PCNX2: variants seen among roughly 807,000 people sequenced by gnomAD.
PCNX2 encodes pecanex-like protein 2.
In PCNX2, 168 loss-of-function variants were observed where a neutral mutation model predicts 223.8. The observed-to-expected ratio is 0.75, with a 90% confidence interval of 0.66 to 0.85. The LOEUF (loss-of-function observed/expected upper bound fraction) is 0.85, where lower values mean the gene tolerates loss of function less well. Ranked by LOEUF, PCNX2 falls within the 40% of genes least tolerant of loss-of-function variation. The pLI is 0.00. For synonymous variants in PCNX2, 1,006 were observed against 1,052.6 expected (o/e 0.96, Z 0.86); for missense variants, 2,507 against 2,675.5 (o/e 0.94, Z 1.39).
intron 19 of PCNX2, among the ~76,000 whole-genome samples, chr1:233,142,293 C>A (rs957492797): frequency 6.6e-6 from 1 of 152,136 alleles, no homozygotes; most frequent in Non-Finnish European, 1.5e-5. Context: ...ATCTTCAAGA[C>A]CACTCCTGCA....
At chr1:233,272,637 T>C (rs1660700286) in intron 1 of PCNX2, among the ~76,000 whole-genome samples, 1 of 152,346 alleles carries the variant, frequency 6.6e-6, no homozygotes, top group East Asian at 1.9e-4. Flanking sequence ...GCAGTCCCAC[T>C]ACTGGGTATC....
intron 17 of PCNX2, among the ~76,000 whole-genome samples, chr1:233,171,094 A>G (rs1679126456): frequency 6.6e-6 from 1 of 152,170 alleles, no homozygotes. Context: ...ACCTCTGACG[A>G]CTTGAAGTTC....
chr1:233,102,550 G>A (rs1674544218), intron 21 of PCNX2, among the ~76,000 whole-genome samples: 1 of 152,082 alleles, frequency 6.6e-6, no homozygotes, highest in Admixed American at 6.6e-5. Flanking sequence ...TCTGATAACA[G>A]CCATTTTAAC....
In PCNX2 at chr1:233,000,560, G is replaced by A. The variant is rs1448087045; in HGVS notation, c.5098-25C>T. On this transcript the variant is annotated intron_variant, in intron 29 of 33. Transcript: ENST00000258229. The surrounding 1 kb of genome is among the most constrained non-coding windows in gnomAD (Gnocchi z 4.6). ...CCTGGTGGGAAGAAGTGTGGGTGTGGGCTGGGCAAGGACCAGAGGAACTCA... is the reference window on the plus strand; with the variant it reads ...CCTGGTGGGAAGAAGTGTGGGTGTGAGCTGGGCAAGGACCAGAGGAACTCA... 1.3e-6 allele frequency: 2 copies of A among 1,547,350 alleles called. No individual in the cohort carries two copies. Among genetic ancestry groups the A allele is most frequent in the Non-Finnish European group, 8.7e-7 (1 of 1,150,368 alleles).
intron 23 of PCNX2, among the ~76,000 whole-genome samples, chr1:233,080,441 T>G (rs1191028094): frequency 4.0e-5 from 6 of 151,642 alleles, no homozygotes; most frequent in African/African-American, 1.5e-4. Context: ...TGCACGCATC[T>G]TGTCTTAGTC....
rs1331786789 is a variant in PCNX2 at position 233,252,466 on chromosome 1, G to C, written c.2016C>G (p.Tyr672Ter). 1.2e-6 allele frequency: 2 copies of C among 1,613,068 alleles called. No homozygotes were observed. Among genetic ancestry groups the C allele is most frequent in the South Asian group, 2.2e-5 (2 of 90,960 alleles). The change falls in exon 7 of 34, where the codon TAC (tyrosine) becomes TAG (stop). Residue 672 changes from tyrosine (Y) to a stop codon, truncating the protein, a stop_gained. Transcript: ENST00000258229. LOFTEE classifies it high-confidence loss of function. ...AACTATCTTGTTGGGAAGTTACCCT[G>C]TAGATTATCTGTCTTTGTCTATTGC... ...FQGNRQRQII[Y>*]RVTSQQDSSV...
intron 21 of PCNX2, among the ~76,000 whole-genome samples, chr1:233,117,435 T>C (rs1378146827): frequency 1.3e-5 from 2 of 150,322 alleles, no homozygotes; most frequent in Admixed American, 1.3e-4. Flanking sequence ...ATCTAGACCA[T>C]CCTGGCTAAC....
intron 21 of PCNX2, among the ~76,000 whole-genome samples, chr1:233,119,302 G>GT (rs1004991757): frequency 2.7e-5 from 4 of 146,804 alleles, no homozygotes; most frequent in Non-Finnish European, 6.0e-5. Flanking sequence ...GCTCATGCCT[G>GT]TAATCACAGC....
At chr1:233,107,094 C>T (rs1674837397) in intron 21 of PCNX2, among the ~76,000 whole-genome samples, 2 of 152,068 alleles carry the variant, frequency 1.3e-5, no homozygotes, top group African/African-American at 4.8e-5. Flanking sequence ...CTGTTATCTG[C>T]TTTACTCTGA....
At chr1:233,123,044 A>G (rs1053350489) in intron 21 of PCNX2, among the ~76,000 whole-genome samples, 1 of 152,216 alleles carries the variant, frequency 6.6e-6, no homozygotes, top group African/African-American at 2.4e-5. Context: ...AGGAAACAGG[A>G]TAACTCAATG....
chr1:233,124,084 T>C (rs1675960918), intron 21 of PCNX2, among the ~76,000 whole-genome samples: 1 of 152,244 alleles, frequency 6.6e-6, no homozygotes, highest in African/African-American at 2.4e-5. Flanking sequence ...GCACTGGTCC[T>C]TCTTCTCCTC....
chr1:233,250,803 C>G lies in PCNX2; in HGVS notation c.2158G>C (p.Gly720Arg), dbSNP rs1188844419. 3 of 1,600,972 alleles carry G rather than the reference C, an allele frequency of 1.9e-6. No homozygotes were observed. In the Admixed American group the frequency reaches 5.1e-5, roughly 27 times the overall value. Reference sequence around the variant, plus strand: ...TGTAAAGGGCCTTCTTTCTGATTTCCAGATTTTAAATAACAGGATCTAATT... The same window carrying G: ...TGTAAAGGGCCTTCTTTCTGATTTCGAGATTTTAAATAACAGGATCTAATT... ...GEIRSCYLKS[G>R]NQKEGPLQPL... Residue 720 changes from glycine to arginine, a missense_variant, in exon 8 of 34, where the codon GGA (glycine) becomes CGA (arginine). Physicochemically the swap from Gly to Arg is moderately radical, Grantham distance 125. Coordinates refer to ENST00000258229, the MANE Select transcript of PCNX2 (RefSeq NM_014801.4).
intron 9 of PCNX2, chr1:233,232,685 T>C (rs1026491977): frequency 8.3e-6 from 4 of 483,124 alleles, no homozygotes; most frequent in Non-Finnish European, 1.1e-5. Context: ...TTTTAGTAAA[T>C]GCCAATATTC....
chr1:233,066,765 G>T (rs2102894769), intron 23 of PCNX2, among the ~76,000 whole-genome samples: 1 of 152,328 alleles, frequency 6.6e-6, no homozygotes, highest in South Asian at 2.1e-4. Context: ...ACTGAGTGAG[G>T]AACCTAGACT....
At chr1:233,189,695 G>A (rs757109125) in intron 15 of PCNX2, among the ~76,000 whole-genome samples, 15 of 152,058 alleles carry the variant, frequency 9.9e-5, no homozygotes, top group Non-Finnish European at 1.2e-4. Flanking sequence ...AAGCTCCCCC[G>A]CAAGCAGTTG....
At chr1:233,284,434 C>T (rs180718493) in intron 1 of PCNX2, among the ~76,000 whole-genome samples, 1 of 152,214 alleles carries the variant, frequency 6.6e-6, no homozygotes, top group East Asian at 1.9e-4. Flanking sequence ...GCTTGGCTAA[C>T]TCCTACTCAT....
intron 24 of PCNX2, among the ~76,000 whole-genome samples, chr1:233,056,868 T>A (rs1672209029): frequency 6.6e-6 from 1 of 152,214 alleles, no homozygotes; most frequent in African/African-American, 2.4e-5. Context: ...CATGGAATGC[T>A]TTACCTTTAA....
At chr1:233,313,917 G>T in the PCNX2 span, among the ~76,000 whole-genome samples, 1 of 152,220 alleles carries the variant, frequency 6.6e-6, no homozygotes, top group Non-Finnish European at 1.5e-5. Flanking sequence ...GGAGTGTAAA[G>T]TTTCCTAGCT....
At position 233,199,180 on chromosome 1, in the gene PCNX2, G is replaced by A. The variant is rs553023081; in HGVS notation, c.2975-150C>T. 6 of 692,314 alleles carry A rather than the reference G, an allele frequency of 8.7e-6. No individual in the cohort carries two copies. In the South Asian group the frequency reaches 1.2e-4, roughly 14 times the overall value. The allele number at this position is 692,314 out of a possible 1,614,324, so 42.9% of individuals were successfully genotyped here. A position where few individuals can be genotyped will look rare whatever the true frequency, so the allele number is the denominator to read the frequency against. Reference sequence around the variant, plus strand: ...TCTATGGGATCCATCAAAAGGCACTGGGTGACTCACAGGTGCAAGAAAGAG... The same window carrying A: ...TCTATGGGATCCATCAAAAGGCACTAGGTGACTCACAGGTGCAAGAAAGAG... On this transcript the variant is annotated intron_variant, in intron 14 of 33. Coordinates refer to ENST00000258229, the MANE Select transcript of PCNX2 (RefSeq NM_014801.4).
Sources: allele counts gnomAD v4.1 joint callset (sites outside exome capture counted in the v4.1 genomes callset), GRCh38; gene constraint gnomAD v4.1.1; non-coding constraint Gnocchi (gnomAD v3.1); transcripts MANE v1.5; gene names NCBI Gene and HGNC (gene_info 2026-07-23, HGNC 2026-07-21).